The following IL1RAPL2 variants were observed in gnomAD, a reference collection of about 807,000 sequenced individuals.
The protein encoded by IL1RAPL2 is X-linked interleukin-1 receptor accessory protein-like 2.
Under a neutral mutation model 44.1 loss-of-function variants are expected in IL1RAPL2, and 3 were observed. That is an observed-to-expected ratio of 0.07 (90% confidence interval 0.03 to 0.18). The LOEUF (loss-of-function observed/expected upper bound fraction) is 0.18. Ranked by LOEUF, IL1RAPL2 falls within the 10% of genes least tolerant of loss-of-function variation. The pLI is 1.00. For missense variants in IL1RAPL2, 391 were observed against 496.4 expected (o/e 0.79, Z 2.02); for synonymous variants, 181 against 178.8 (o/e 1.01, Z -0.10).
At chrX:104,916,515 C>G (rs1198871289) in intron 2 of IL1RAPL2, among the ~76,000 whole-genome samples, 19 of 111,519 alleles carry the variant, frequency 1.7e-4, no homozygotes, top group African/African-American at 4.9e-4. Context: ...CATCTGCAAA[C>G]AGGGACAATT....
At chrX:104,739,475 C>T (rs1169988435) in intron 2 of IL1RAPL2, among the ~76,000 whole-genome samples, 1 of 111,676 alleles carries the variant, frequency 9.0e-6, no homozygotes, top group African/African-American at 3.3e-5. Flanking sequence ...GGAGTGTGGT[C>T]TGGGCATCAG....
chrX:104,643,901 G>A (rs768365135), intron 1 of IL1RAPL2, among the ~76,000 whole-genome samples: 1 of 111,412 alleles, frequency 9.0e-6, no homozygotes, highest in Admixed American at 9.5e-5. Flanking sequence ...CCGTTTCTCT[G>A]TATTTTACAC....
At position 105,637,522 on chromosome X, in the gene IL1RAPL2, C is replaced by T. The variant is rs1288608049; in HGVS notation, c.773-79845C>T. On this transcript the variant is annotated intron_variant, in intron 6 of 10. Coordinates refer to ENST00000372582, the MANE Select transcript of IL1RAPL2 (RefSeq NM_017416.2). Reference sequence around the variant, plus strand: ...GTCAGACACATTCTGTTGCATTCCTCTGTCCAGGCATAACACTGAGCCTCT... The same window carrying T: ...GTCAGACACATTCTGTTGCATTCCTTTGTCCAGGCATAACACTGAGCCTCT... Among the ~76,000 whole-genome samples the T allele has an allele frequency of 6.4e-5, 7 of 110,091 alleles. No homozygotes were observed. In the Admixed American group the frequency reaches 6.7e-4, roughly 11 times the overall value.
intron 2 of IL1RAPL2, among the ~76,000 whole-genome samples, chrX:104,912,144 TTTTTC>T (rs1171845959): frequency 9.8e-6 from 1 of 101,684 alleles, no homozygotes; most frequent in African/African-American, 3.4e-5. Flanking sequence ...GGGATTTTTT[TTTTTC>T]TTTTTTTCCT....
intron 2 of IL1RAPL2, among the ~76,000 whole-genome samples, chrX:104,986,824 A>G (rs767216513): frequency 8.9e-6 from 1 of 112,080 alleles, no homozygotes; most frequent in South Asian, 3.7e-4. Flanking sequence ...ATTGCCTGGG[A>G]TTTTGTGTAT....
intron 2 of IL1RAPL2, among the ~76,000 whole-genome samples, chrX:104,938,423 C>G (rs754590181): frequency 3.7e-4 from 41 of 111,716 alleles, no homozygotes; most frequent in Non-Finnish European, 7.5e-5. Flanking sequence ...GAGTTTTCTT[C>G]AAGATACCTG....
chrX:105,194,131 G>T (rs1230486381), intron 2 of IL1RAPL2, among the ~76,000 whole-genome samples: 1 of 112,211 alleles, frequency 8.9e-6, no homozygotes, highest in Non-Finnish European at 1.9e-5. Context: ...CCCCCTGGGT[G>T]TCCTTGAACC....
chrX:105,307,265 A>C (rs184903726), intron 5 of IL1RAPL2, among the ~76,000 whole-genome samples: 2,141 of 95,466 alleles, frequency 0.022, 83 homozygotes, highest in African/African-American at 0.08. Flanking sequence ...CATCTCTCCC[A>C]AAAAAAAAAT....
At chrX:105,408,060 G>A (rs1367091582) in intron 5 of IL1RAPL2, among the ~76,000 whole-genome samples, 1 of 111,781 alleles carries the variant, frequency 8.9e-6, no homozygotes, top group Non-Finnish European at 1.9e-5. Flanking sequence ...TGGTAGAGTT[G>A]CCTGCTAAAA....
intron 4 of IL1RAPL2, among the ~76,000 whole-genome samples, chrX:105,261,441 G>C (rs2034358643): frequency 9.0e-6 from 1 of 111,369 alleles, no homozygotes; most frequent in South Asian, 3.7e-4. Flanking sequence ...TCATATCTTA[G>C]TCTATTTCTG....
chrX:105,591,947 G>A (rs1024663313), intron 6 of IL1RAPL2, among the ~76,000 whole-genome samples: 26 of 111,044 alleles, frequency 2.3e-4, no homozygotes, highest in African/African-American at 7.9e-4. Context: ...GTCAAGGGTC[G>A]AGTTCAGGTA....
chrX:105,512,406 C>T (rs758428224), intron 6 of IL1RAPL2, among the ~76,000 whole-genome samples: 155 of 111,390 alleles, frequency 1.4e-3, no homozygotes, highest in Non-Finnish European at 2.6e-3. Context: ...AGTGGTACTT[C>T]AACTGTGGCT....
At chrX:105,253,623 T>C (rs2034289704) in intron 4 of IL1RAPL2, among the ~76,000 whole-genome samples, 1 of 111,556 alleles carries the variant, frequency 9.0e-6, no homozygotes, top group Non-Finnish European at 1.9e-5. Flanking sequence ...TAAACACGTG[T>C]CACAGGGGTT....
At chrX:105,663,634 G>T (rs778520514) in intron 6 of IL1RAPL2, among the ~76,000 whole-genome samples, 1 of 111,888 alleles carries the variant, frequency 8.9e-6, no homozygotes, top group Non-Finnish European at 1.9e-5. Flanking sequence ...TGTTATTCAT[G>T]TAGTTTTCAT....
chrX:105,231,645 G>A (rs2034072238), intron 3 of IL1RAPL2, among the ~76,000 whole-genome samples: 1 of 112,115 alleles, frequency 8.9e-6, no homozygotes, highest in African/African-American at 3.2e-5. Flanking sequence ...CCTTTTTAGT[G>A]CATACTTTAA....
chrX:105,259,842 G>A (rs532958711), intron 4 of IL1RAPL2, among the ~76,000 whole-genome samples: 3 of 111,773 alleles, frequency 2.7e-5, no homozygotes, highest in Non-Finnish European at 5.7e-5. Context: ...GGACCTGCCC[G>A]GTAAGGAGAT....
rs72618309 is a variant in IL1RAPL2, at chrX:105,705,116, G to A, written c.773-12251G>A. 6.3e-5 allele frequency among the ~76,000 whole-genome samples: 7 copies of A among 110,296 alleles called. No individual in the cohort carries two copies. In the East Asian group the frequency reaches 2.0e-3, roughly 32 times the overall value. On this transcript the variant is annotated intron_variant, in intron 6 of 10. Coordinates refer to ENST00000372582, the MANE Select transcript of IL1RAPL2 (RefSeq NM_017416.2). ...GTGCACACATACACTATGTAAGAGG[G>A]CTGTGGTAAAAACTGATGTAATTAA...
chrX:105,602,945 C>G (rs1384580856), intron 6 of IL1RAPL2, among the ~76,000 whole-genome samples: 1 of 110,217 alleles, frequency 9.1e-6, no homozygotes, highest in African/African-American at 3.3e-5. Context: ...TTTAAAGACC[C>G]CTACATCTGG....
chrX:104,943,721 C>G (rs1925263535), intron 2 of IL1RAPL2, among the ~76,000 whole-genome samples: 1 of 111,557 alleles, frequency 9.0e-6, no homozygotes, highest in South Asian at 3.7e-4. Context: ...CCACAGATCT[C>G]CTGCCTACTC....
Sources: gnomAD v4.1 joint callset for allele counts (sites outside exome capture counted in the v4.1 genomes callset) on GRCh38, gnomAD v4.1.1 for gene constraint, MANE v1.5 for transcripts, NCBI Gene and HGNC (gene_info 2026-07-23, HGNC 2026-07-21) for gene names.